Variants in VEPH1 observed in about 807,000 individuals in gnomAD.
VEPH1 encodes the protein ventricular zone expressed PH domain containing 1.
A neutral mutation model predicts 85.2 loss-of-function variants in VEPH1; 80 were observed. The ratio of observed to expected loss-of-function variants is 0.94; its 90% confidence interval spans 0.78 to 1.13. VEPH1 has a LOEUF of 1.13. Among genes scored for constraint, VEPH1 ranks in the 50% most tolerant of loss-of-function variants. The pLI, the probability that VEPH1 is intolerant of heterozygous loss-of-function variation, is 0.00. For synonymous variants in VEPH1, 297 were observed against 348.0 expected (o/e 0.85, Z 1.63); for missense variants, 955 against 980.5 (o/e 0.97, Z 0.35).
At chr3:157,336,435 C>T (rs771931252) in intron 9 of VEPH1, among the ~76,000 whole-genome samples, 2 of 152,124 alleles carry the variant, frequency 1.3e-5, no homozygotes, top group African/African-American at 4.8e-5. Flanking sequence ...CTATATGGCA[C>T]CTCTCTTGGA....
intron 4 of VEPH1, among the ~76,000 whole-genome samples, chr3:157,450,048 C>CTTTTTTTTTTTTTT (rs761761440): frequency 2.1e-4 from 16 of 77,316 alleles, no homozygotes; most frequent in African/African-American, 6.7e-4. Context: ...AGAATATTTA[C>CTTTTTTTTTTTTTT]TTTTTTTTTT....
intron 11 of VEPH1, among the ~76,000 whole-genome samples, chr3:157,309,930 C>T (rs1462695615): frequency 1.3e-5 from 2 of 152,066 alleles, no homozygotes; most frequent in African/African-American, 4.8e-5. Context: ...CAGGAAGGCA[C>T]CACCATGCCT....
chr3:157,388,211 A>T (rs1422061027), intron 6 of VEPH1, among the ~76,000 whole-genome samples: 2 of 152,210 alleles, frequency 1.3e-5, no homozygotes, highest in African/African-American at 4.8e-5. Context: ...ACTTTGCCAG[A>T]GTGACTCCAG....
At chr3:157,460,506 T>G (rs1387886352) in intron 3 of VEPH1, 151 bp from the exon 4 acceptor site, 1 of 1,088,244 alleles carries the variant, frequency 9.2e-7, no homozygotes, top group Non-Finnish European at 1.3e-6. Flanking sequence ...TATTTGGGAA[T>G]TCTGGGAACT....
rs1054335614 is a variant in VEPH1, at chr3:157,461,351, G to A, written c.355-996C>T. 7.9e-5 allele frequency among the ~76,000 whole-genome samples: 12 copies of A among 151,812 alleles called. No homozygotes were observed. The South Asian group carries it at 8.3e-4, about 11-fold the overall frequency. On this transcript the variant is annotated intron_variant, in intron 3 of 13. Coordinates refer to ENST00000362010, the MANE Select transcript of VEPH1 (RefSeq NM_001167912.2). Reference sequence around the variant, plus strand: ...ACCTGGCCATCAACCCCACCTCTCAGACTAACTGTAGAAAAAAAAACTGTG... The same window carrying A: ...ACCTGGCCATCAACCCCACCTCTCAAACTAACTGTAGAAAAAAAAACTGTG...
intron 2 of VEPH1, among the ~76,000 whole-genome samples, chr3:157,471,269 G>A (rs986577246): frequency 5.3e-5 from 8 of 152,216 alleles, no homozygotes; most frequent in East Asian, 1.9e-4. Context: ...GGGGTTTTTC[G>A]GCACTACAGC....
chr3:157,283,473 G>C (rs537530517), intron 12 of VEPH1, among the ~76,000 whole-genome samples: 1 of 152,272 alleles, frequency 6.6e-6, no homozygotes, highest in South Asian at 2.1e-4. Flanking sequence ...ACTTTCCTCT[G>C]ACTATCTGTA....
At chr3:157,377,391 A>C (rs1353186319) in intron 7 of VEPH1, among the ~76,000 whole-genome samples, 1 of 151,226 alleles carries the variant, frequency 6.6e-6, no homozygotes, top group East Asian at 1.9e-4. Context: ...TCATAGTGGG[A>C]CCTTATTTTT....
intron 4 of VEPH1, among the ~76,000 whole-genome samples, chr3:157,445,844 T>C (rs539063355): frequency 6.6e-6 from 1 of 152,170 alleles, no homozygotes; most frequent in South Asian, 2.1e-4. Flanking sequence ...CACTTTATTC[T>C]CCCTAAAACA....
chr3:157,476,768 G>A (rs1162806409), intron 2 of VEPH1, among the ~76,000 whole-genome samples: 2 of 152,188 alleles, frequency 1.3e-5, no homozygotes, highest in Non-Finnish European at 2.9e-5. Flanking sequence ...TGCCAACCTG[G>A]CAGGAGTAAT....
At chr3:157,387,738 C>T (rs1447698959) in intron 6 of VEPH1, among the ~76,000 whole-genome samples, 9 of 152,210 alleles carry the variant, frequency 5.9e-5, no homozygotes, top group African/African-American at 2.2e-4. Context: ...TTAGAATCCC[C>T]TGGAAAGCTG....
chr3:157,384,122 C>A (rs892210366), intron 6 of VEPH1, among the ~76,000 whole-genome samples: 1 of 152,066 alleles, frequency 6.6e-6, no homozygotes, highest in Non-Finnish European at 1.5e-5. Flanking sequence ...AACAAAATAT[C>A]TTTGTAAAAT....
intron 2 of VEPH1, among the ~76,000 whole-genome samples, chr3:157,478,871 G>C (rs568584932): frequency 6.6e-6 from 1 of 152,148 alleles, no homozygotes; most frequent in East Asian, 1.9e-4. Flanking sequence ...TTATTACACA[G>C]CACTTTACTA....
intron 6 of VEPH1, among the ~76,000 whole-genome samples, chr3:157,402,622 A>G (rs1250511250): frequency 6.6e-6 from 1 of 152,180 alleles, no homozygotes; most frequent in African/African-American, 2.4e-5. Context: ...TTAGACCTTT[A>G]TAGGATCTAT....
At chr3:157,460,728 G>T (rs57562364) in intron 3 of VEPH1, among the ~76,000 whole-genome samples, 3,069 of 152,268 alleles carry the variant, frequency 0.02, 124 homozygotes, top group African/African-American at 0.071. Context: ...TGGCAAGGCA[G>T]GGAGTAGACA....
intron 10 of VEPH1, among the ~76,000 whole-genome samples, chr3:157,314,351 A>AAAAAAAAAAAAAAAAAAAAT (rs1720503390): frequency 1.3e-5 from 2 of 149,716 alleles, no homozygotes; most frequent in African/African-American, 2.5e-5. Context: ...AAAAAAAAAA[A>AAAAAAAAAAAAAAAAAAAAT]AAAAAAAAAA....
intron 12 of VEPH1, among the ~76,000 whole-genome samples, chr3:157,273,497 A>G (rs1342180937): frequency 2.6e-5 from 4 of 152,226 alleles, no homozygotes; most frequent in Middle Eastern, 3.2e-3. Context: ...AGTTGCAGCT[A>G]TGAAGGCAAA....
At chr3:157,371,534 G>A (rs1727485611) in intron 7 of VEPH1, among the ~76,000 whole-genome samples, 1 of 152,200 alleles carries the variant, frequency 6.6e-6, no homozygotes, top group African/African-American at 2.4e-5. Flanking sequence ...CTTGTCAGAA[G>A]TGCAGAATCT....
intron 7 of VEPH1, among the ~76,000 whole-genome samples, chr3:157,372,277 G>C (rs1161076428): frequency 6.6e-6 from 1 of 152,130 alleles, no homozygotes. Flanking sequence ...TAGAAACATA[G>C]TTACCCAGAA....
Sources: gnomAD v4.1 joint callset for allele counts (sites outside exome capture counted in the v4.1 genomes callset) on GRCh38, gnomAD v4.1.1 for gene constraint, MANE v1.5 for transcripts, NCBI Gene and HGNC (gene_info 2026-07-23, HGNC 2026-07-21) for gene names.